DLG2: variants seen among roughly 807,000 people sequenced by gnomAD.
DLG2 encodes discs large MAGUK scaffold protein 2.
In DLG2, 45 loss-of-function variants were observed where a neutral mutation model predicts 132.5. The ratio of observed to expected loss-of-function variants is 0.34; its 90% CI spans 0.27 to 0.44. The LOEUF is 0.44. DLG2 is among the 20% of genes least tolerant of loss of function. The pLI is 1.00. For synonymous variants in DLG2, 424 were observed against 419.6 expected, an observed-to-expected ratio of 1.01 and a Z score of -0.13; for missense variants, 1,045 against 1,196.9, an observed-to-expected ratio of 0.87 and a Z score of 1.87.
At chr11:85,546,605 A>G (rs1410385837) in intron 3 of DLG2, among the ~76,000 whole-genome samples, 3 of 152,126 alleles carry the variant, frequency 2.0e-5, no homozygotes, top group African/African-American at 4.8e-5. Flanking sequence ...AAAGTCTCCC[A>G]TTATTATTGT....
chr11:84,307,057 T>G (rs1413869959), intron 7 of DLG2, among the ~76,000 whole-genome samples: 2 of 152,162 alleles, frequency 1.3e-5, no homozygotes, highest in African/African-American at 2.4e-5. Flanking sequence ...GTGTATGTTC[T>G]TTGCAGCACT....
At chr11:84,119,311 G>A (rs1168885617) in intron 9 of DLG2, among the ~76,000 whole-genome samples, 2 of 152,044 alleles carry the variant, frequency 1.3e-5, no homozygotes, top group Non-Finnish European at 2.9e-5. Flanking sequence ...AAATCTGCCT[G>A]AGGACATATT....
intron 11 of DLG2, among the ~76,000 whole-genome samples, chr11:83,981,592 C>T (rs1476485870): frequency 1.3e-5 from 2 of 152,062 alleles, no homozygotes; most frequent in Non-Finnish European, 2.9e-5. Context: ...CAGGCACACG[C>T]CACCATGTCT....
At chr11:85,143,945 G>A (rs1253802007) in intron 5 of DLG2, among the ~76,000 whole-genome samples, 1 of 151,752 alleles carries the variant, frequency 6.6e-6, no homozygotes, top group Non-Finnish European at 1.5e-5. Context: ...AGGCCCATTT[G>A]GTTGACAGTG....
chr11:84,040,796 G>A (rs938304673), intron 11 of DLG2, among the ~76,000 whole-genome samples: 5 of 151,408 alleles, frequency 3.3e-5, no homozygotes, highest in South Asian at 2.1e-4. Flanking sequence ...CATTGAATCT[G>A]TAAATTACCT....
At chr11:84,531,724 G>A (rs1323847486) in intron 7 of DLG2, among the ~76,000 whole-genome samples, 1 of 152,102 alleles carries the variant, frequency 6.6e-6, no homozygotes, top group African/African-American at 2.4e-5. Flanking sequence ...TATCCCAGGG[G>A]CCTGCTATTC....
chr11:83,626,324 C>G (rs1291415710), intron 19 of DLG2, among the ~76,000 whole-genome samples: 2 of 152,102 alleles, frequency 1.3e-5, no homozygotes, highest in Non-Finnish European at 2.9e-5. Flanking sequence ...GGTCTGCATA[C>G]TATTTGGATT....
At chr11:84,182,265 AAAG>A (rs2096152343) in intron 8 of DLG2, among the ~76,000 whole-genome samples, 1 of 152,162 alleles carries the variant, frequency 6.6e-6, no homozygotes, top group Admixed American at 6.6e-5. Flanking sequence ...CACATGGGTA[AAAG>A]AAGAAATCTG....
At chr11:84,594,909 T>A (rs891630998) in intron 6 of DLG2, among the ~76,000 whole-genome samples, 2 of 152,118 alleles carry the variant, frequency 1.3e-5, no homozygotes, top group African/African-American at 4.8e-5. Context: ...ACCTCCTACC[T>A]CAGGATTTGG....
At chr11:85,470,168 T>C (rs1335502347) in intron 3 of DLG2, among the ~76,000 whole-genome samples, 6 of 151,154 alleles carry the variant, frequency 4.0e-5, no homozygotes, top group Non-Finnish European at 7.4e-5. Context: ...AAAGTAACTT[T>C]GGTGAAAAAT....
chr11:83,857,473 G>A lies in DLG2; in HGVS notation c.1565+16947C>T, dbSNP rs2060715709. ...ACATGGAATGTTTTTTCATTTGTTT[G>A]TGTCATCTCTGAGAACCCTGGTAAG... On this transcript the variant is annotated intron_variant, in intron 16 of 27. Coordinates refer to ENST00000376104, the MANE Select transcript of DLG2 (RefSeq NM_001142699.3). Among the ~76,000 whole-genome samples the A allele has an allele frequency of 2.0e-5, 3 of 152,080 alleles. No homozygotes were observed. In the East Asian group the frequency reaches 5.8e-4, roughly 29 times the overall value.
At chr11:85,008,148 G>T (rs1308521726) in intron 6 of DLG2, among the ~76,000 whole-genome samples, 1 of 152,116 alleles carries the variant, frequency 6.6e-6, no homozygotes, top group East Asian at 1.9e-4. Flanking sequence ...CATGAAATGA[G>T]TTTTGATATC....
At chr11:84,855,279 C>T (rs975389092) in intron 6 of DLG2, among the ~76,000 whole-genome samples, 1 of 151,992 alleles carries the variant, frequency 6.6e-6, no homozygotes, top group Non-Finnish European at 1.5e-5. Context: ...AATGTGACTC[C>T]CATTTTGCTT....
At chr11:84,623,045 G>A (rs2099616594) in intron 6 of DLG2, among the ~76,000 whole-genome samples, 1 of 152,066 alleles carries the variant, frequency 6.6e-6, no homozygotes, top group Non-Finnish European at 1.5e-5. Context: ...TTTGCATTCA[G>A]TCTCTCTGCT....
rs146495577 is a variant in DLG2, at chr11:84,777,675, G to A, written c.358-242944C>T. On this transcript the variant is annotated intron_variant, in intron 6 of 27. Coordinates refer to ENST00000376104, the MANE Select transcript of DLG2 (RefSeq NM_001142699.3). ...AAAACAGCCATTCTGACTGGGGTAAGATATCTCACTGTGGTTTTAATTTGC... is the reference window on the plus strand; with the variant it reads ...AAAACAGCCATTCTGACTGGGGTAAAATATCTCACTGTGGTTTTAATTTGC... Among the ~76,000 whole-genome samples the A allele has an allele frequency of 9.9e-4, 151 of 152,084 alleles. 4 individuals carry two copies. The East Asian group carries it at 0.028, about 28-fold the overall frequency.
At chr11:83,778,419 T>A (rs1330615824) in intron 18 of DLG2, among the ~76,000 whole-genome samples, 1 of 152,136 alleles carries the variant, frequency 6.6e-6, no homozygotes, top group East Asian at 1.9e-4. Flanking sequence ...AGTGACTGAT[T>A]TATGTCACTA....
intron 18 of DLG2, among the ~76,000 whole-genome samples, chr11:83,650,220 G>A (rs1029591825): frequency 2.6e-5 from 4 of 152,198 alleles, no homozygotes; most frequent in African/African-American, 7.2e-5. Flanking sequence ...TGCTGAAAGG[G>A]ACTTTGAAGG....
chr11:84,565,178 T>C lies in DLG2; in HGVS notation c.358-30447A>G, dbSNP rs559904492. The stretch of plus-strand genomic sequence containing the variant: ...CATGTAAGTGACCAGCTTGTCCATA[T>C]ACACAGGTGTAAATAGAGGCTTCTG... On this transcript the variant is annotated intron_variant, in intron 6 of 27. Transcript: ENST00000376104. Among the ~76,000 whole-genome samples, 36 of 152,322 alleles carry C rather than the reference T, an allele frequency of 2.4e-4. No homozygotes were observed. The East Asian group carries it at 4.1e-3, about 17-fold the overall frequency.
At chr11:85,488,411 AAC>A (rs1565571289) in intron 3 of DLG2, among the ~76,000 whole-genome samples, 1 of 151,828 alleles carries the variant, frequency 6.6e-6, no homozygotes, top group African/African-American at 2.4e-5. Context: ...CAACAACAAC[AAC>A]CACAACAAAA....
Sources: gnomAD v4.1 joint callset for allele counts (sites outside exome capture counted in the v4.1 genomes callset) on GRCh38, gnomAD v4.1.1 for gene constraint, MANE v1.5 for transcripts, NCBI Gene and HGNC (gene_info 2026-07-23, HGNC 2026-07-21) for gene names.